Variants in PACS1 observed in about 807,000 individuals in gnomAD.
PACS1 encodes phosphofurin acidic cluster sorting protein 1.
Under a neutral mutation model 115.0 loss-of-function variants are expected in PACS1, and 24 were observed. The ratio of observed to expected loss-of-function variants is 0.21; its 90% CI spans 0.15 to 0.29. PACS1 has a LOEUF of 0.29. Among genes scored for constraint, PACS1 ranks in the 10% least tolerant of loss-of-function variants. PACS1 has a pLI of 1.00. For missense variants in PACS1, 838 were observed against 1,251.2 expected, an observed-to-expected ratio of 0.67 and a Z score of 4.98; for synonymous variants, 453 against 504.5, an observed-to-expected ratio of 0.90 and a Z score of 1.37.
At chr11:66,227,023 G>A (rs1855481761) in intron 10 of PACS1, among the ~76,000 whole-genome samples, 1 of 152,168 alleles carries the variant, frequency 6.6e-6, no homozygotes, top group African/African-American at 2.4e-5. Context: ...TATCCTGTTA[G>A]AGGGTTTTCT....
At chr11:66,219,828 T>G (rs772937711) in intron 8 of PACS1, 23 bp downstream of exon 8, 1 of 1,557,144 alleles carries the variant, frequency 6.4e-7, no homozygotes, top group Non-Finnish European at 8.9e-7. Flanking sequence ...ACTCCCAAGG[T>G]TAATGGTGAG....
intron 2 of PACS1, among the ~76,000 whole-genome samples, chr11:66,200,205 G>A (rs1261942078): frequency 2.0e-5 from 3 of 152,070 alleles, no homozygotes; most frequent in Non-Finnish European, 4.4e-5. Context: ...TGAAAAATTA[G>A]CTGGATGTGG....
intron 7 of PACS1, among the ~76,000 whole-genome samples, chr11:66,219,214 G>A (rs1396184283): frequency 6.6e-6 from 1 of 151,982 alleles, no homozygotes; most frequent in Non-Finnish European, 1.5e-5. Context: ...GGAAACAGTG[G>A]TGTCACAGAT....
chr11:66,116,260 C>G (rs1858304631), intron 1 of PACS1, among the ~76,000 whole-genome samples: 1 of 152,214 alleles, frequency 6.6e-6, no homozygotes, highest in African/African-American at 2.4e-5. Context: ...ATTTTGTTCT[C>G]TGGCCTGAAA....
chr11:66,105,161 C>T (rs564680481), intron 1 of PACS1, among the ~76,000 whole-genome samples: 3 of 152,224 alleles, frequency 2.0e-5, no homozygotes, highest in Admixed American at 6.5e-5. Context: ...CGGTGGCTCA[C>T]TCCTGTAATC....
intron 2 of PACS1, among the ~76,000 whole-genome samples, chr11:66,196,055 C>T (rs776068839): frequency 2.6e-4 from 39 of 152,198 alleles, no homozygotes; most frequent in Non-Finnish European, 1.6e-4. Flanking sequence ...TGTTTACCAT[C>T]TCATGAGTGA....
At chr11:66,174,203 CAAAA>C (rs1324653229) in intron 1 of PACS1, among the ~76,000 whole-genome samples, 1 of 151,968 alleles carries the variant, frequency 6.6e-6, no homozygotes, top group Non-Finnish European at 1.5e-5. Context: ...AATAAAATAA[CAAAA>C]AAATCAAAAA....
At chr11:66,088,604 T>C (rs1234180048) in intron 1 of PACS1, among the ~76,000 whole-genome samples, 2 of 152,232 alleles carry the variant, frequency 1.3e-5, no homozygotes, top group Non-Finnish European at 2.9e-5. Flanking sequence ...GTACCATCGG[T>C]CAGTCTGTCC....
chr11:66,097,286 T>C (rs1391261537), intron 1 of PACS1, among the ~76,000 whole-genome samples: 2 of 152,134 alleles, frequency 1.3e-5, no homozygotes, highest in Non-Finnish European at 2.9e-5. Context: ...CATGCATACC[T>C]GATTATTCCC....
chr11:66,238,942 T>A, intron 20 of PACS1, 96 bp downstream of exon 20: 1 of 1,397,886 alleles, frequency 7.2e-7, no homozygotes, highest in Admixed American at 2.0e-5. Context: ...CTGGATGCCC[T>A]GAGGGAAGTC....
chr11:66,147,570 A>T (rs1221870070), intron 1 of PACS1, among the ~76,000 whole-genome samples: 1 of 152,262 alleles, frequency 6.6e-6, no homozygotes, highest in Admixed American at 6.5e-5. Context: ...AATAGTAAGT[A>T]TGTAGGTAAA....
chr11:66,188,083 T>A (rs1240345243), intron 1 of PACS1, among the ~76,000 whole-genome samples: 4 of 152,200 alleles, frequency 2.6e-5, no homozygotes, highest in African/African-American at 9.6e-5. Context: ...ATTTTTTTTT[T>A]ATATGTTCGT....
At position 66,230,552 on chromosome 11, in the gene PACS1, T is replaced by C. The variant is rs1171455396; in HGVS notation, c.1379T>C (p.Ile460Thr). Residue 460 changes from isoleucine to threonine, a missense_variant, in exon 12 of 24, where the codon ATC (isoleucine) becomes ACC (threonine). Physicochemically the swap from Ile to Thr is moderately conservative, Grantham distance 89 (BLOSUM62 -1). Around this residue, in one of 6 missense-constraint regions of PACS1, gnomAD observed 383 missense variants for 537.0 expected, o/e 0.71. Coordinates refer to ENST00000320580, the MANE Select transcript of PACS1 (RefSeq NM_018026.4). ...DSLTETDTLE[I>T]TDQDMFGDAS... Reference sequence around the variant, plus strand: ...GTTTCCTCTCCTCCATGGTAGGAAATCACTGACCAGGACATGTTTGGAGAT... The same window carrying C: ...GTTTCCTCTCCTCCATGGTAGGAAACCACTGACCAGGACATGTTTGGAGAT... The C allele has an allele frequency of 1.2e-6, 2 of 1,612,860 alleles. No individual in the cohort carries two copies. The highest frequency in any genetic ancestry group is 3.3e-5 in the Admixed American group (2 of 60,010).
At chr11:66,212,727 T>G (rs1855104544) in intron 4 of PACS1, among the ~76,000 whole-genome samples, 1 of 152,240 alleles carries the variant, frequency 6.6e-6, no homozygotes, top group South Asian at 2.1e-4. Context: ...TTATCACATT[T>G]CACCCACTAG....
intron 14 of PACS1, among the ~76,000 whole-genome samples, chr11:66,232,478 A>T (rs1481519056): frequency 2.0e-5 from 3 of 152,200 alleles, no homozygotes; most frequent in Non-Finnish European, 4.4e-5. Flanking sequence ...ATCTTAAATC[A>T]CTAAGTTTGC....
chr11:66,128,757 G>A (rs957467698), intron 1 of PACS1, among the ~76,000 whole-genome samples: 4 of 151,858 alleles, frequency 2.6e-5, no homozygotes, highest in Admixed American at 6.6e-5. Context: ...AGTGACATGC[G>A]CCTGTAATCT....
rs564004604 is a variant in PACS1 at position 66,142,859 on chromosome 11, T to C, written c.357-50627T>C. ...GCTTGGGTTTCTCTGAATGATGTCT[T>C]GGGTTTCAACATTGTCCCCTTACTT... On this transcript the variant is annotated intron_variant, in intron 1 of 23. Transcript: ENST00000320580. 5.3e-5 allele frequency among the ~76,000 whole-genome samples: 8 copies of C among 151,834 alleles called. No homozygotes were observed. In the East Asian group the frequency reaches 1.5e-3, roughly 29 times the overall value.
chr11:66,216,449 T>G, intron 5 of PACS1, 71 bp from the exon 6 acceptor site: 1 of 1,479,010 alleles, frequency 6.8e-7, no homozygotes. Flanking sequence ...AACCATTGAT[T>G]CCAGCCCATC....
chr11:66,178,421 T>G (rs1025777932), intron 1 of PACS1, among the ~76,000 whole-genome samples: 2 of 152,218 alleles, frequency 1.3e-5, no homozygotes, highest in Non-Finnish European at 2.9e-5. Flanking sequence ...TAGTATTCCA[T>G]TGTATTACTA....
Sources: allele counts gnomAD v4.1 joint callset (sites outside exome capture counted in the v4.1 genomes callset), GRCh38; gene constraint gnomAD v4.1.1; regional missense constraint gnomAD v4.1.1; transcripts MANE v1.5; gene names NCBI Gene and HGNC (gene_info 2026-07-23, HGNC 2026-07-21).